CDK14: variants seen among roughly 807,000 people sequenced by gnomAD.
CDK14 encodes the protein cyclin dependent kinase 14.
A neutral mutation model predicts 60.7 loss-of-function variants in CDK14; 34 were observed. That is an observed-to-expected ratio of 0.56 (90% CI 0.43 to 0.75). CDK14 has a LOEUF of 0.75. Ranked by LOEUF, CDK14 falls within the 30% of genes least tolerant of loss-of-function variation. The pLI is 0.00. For missense variants in CDK14, 482 were observed against 564.1 expected (o/e 0.85, Z 1.47); for synonymous variants, 197 against 203.7 (o/e 0.97, Z 0.28).
chr7:90,717,432 A>AGTCACTGAAGCAGCGTAAAG (rs1054906878), intron 2 of CDK14, among the ~76,000 whole-genome samples: 5 of 152,260 alleles, frequency 3.3e-5, no homozygotes, highest in Admixed American at 1.3e-4. Flanking sequence ...ACAAAACTAC[A>AGTCACTGAAGCAGCGTAAAG]GTCACTGAAG....
chr7:90,859,282 A>G (rs1790927742), intron 5 of CDK14, among the ~76,000 whole-genome samples: 1 of 152,232 alleles, frequency 6.6e-6, no homozygotes, highest in South Asian at 2.1e-4. Flanking sequence ...AGGATTTAAT[A>G]TATTGTTATG....
At chr7:90,643,840 A>T (rs1478070742) in intron 2 of CDK14, among the ~76,000 whole-genome samples, 2 of 152,140 alleles carry the variant, frequency 1.3e-5, no homozygotes, top group African/African-American at 4.8e-5. Context: ...CAACAGCCTC[A>T]AATTTTTATT....
At chr7:90,702,336 G>T (rs2116617927) in intron 2 of CDK14, among the ~76,000 whole-genome samples, 1 of 152,258 alleles carries the variant, frequency 6.6e-6, no homozygotes, top group African/African-American at 2.4e-5. Context: ...AAGCATTTCA[G>T]AGTTGTTAAT....
intron 5 of CDK14, among the ~76,000 whole-genome samples, chr7:90,803,744 C>A (rs1394447937): frequency 6.6e-6 from 1 of 152,086 alleles, no homozygotes; most frequent in East Asian, 1.9e-4. Flanking sequence ...AGTATATGAT[C>A]TAGTTTAATT....
chr7:90,907,186 A>G (rs999057631), intron 7 of CDK14, among the ~76,000 whole-genome samples: 1 of 152,040 alleles, frequency 6.6e-6, no homozygotes, highest in African/African-American at 2.4e-5. Context: ...GGTATGTGGG[A>G]AACTGGTTAG....
intron 2 of CDK14, among the ~76,000 whole-genome samples, chr7:90,715,461 A>G (rs902695940): frequency 2.6e-5 from 4 of 151,996 alleles, no homozygotes; most frequent in African/African-American, 9.7e-5. Flanking sequence ...TTTAGTTTTT[A>G]AATCAGAGTA....
At chr7:91,173,863 G>A (rs994730791) in intron 14 of CDK14, among the ~76,000 whole-genome samples, 9 of 152,202 alleles carry the variant, frequency 5.9e-5, no homozygotes, top group South Asian at 2.1e-4. Context: ...ACTGCAAGGC[G>A]GCAGCGAGGC....
chr7:90,780,811 A>G (rs1358251881), intron 4 of CDK14, among the ~76,000 whole-genome samples: 1 of 151,898 alleles, frequency 6.6e-6, no homozygotes, highest in Non-Finnish European at 1.5e-5. Flanking sequence ...ATTGTTGGAC[A>G]TTTGGGTTGG....
chr7:91,008,933 A>G (rs779923795), intron 10 of CDK14, among the ~76,000 whole-genome samples: 3 of 152,158 alleles, frequency 2.0e-5, no homozygotes, highest in Non-Finnish European at 4.4e-5. Context: ...ATCCCATGAA[A>G]TCATCACCAC....
In CDK14 at chr7:90,814,734, C is replaced by G. The variant is rs370669517; in HGVS notation, c.544+24082C>G. Among the ~76,000 whole-genome samples the G allele has an allele frequency of 5.3e-5, 8 of 152,272 alleles. No homozygotes were observed. The East Asian group carries it at 1.4e-3, about 26-fold the overall frequency. ...GAGGTTGCAGTGAGCCGAGATTGTGCCACTGCACTCCAGCCTGGGCGACAG... is the reference window on the plus strand; with the variant it reads ...GAGGTTGCAGTGAGCCGAGATTGTGGCACTGCACTCCAGCCTGGGCGACAG... On this transcript the variant is annotated intron_variant, in intron 5 of 14. Transcript: ENST00000380050.
chr7:90,844,948 G>A (rs1189319479), intron 5 of CDK14, among the ~76,000 whole-genome samples: 2 of 152,100 alleles, frequency 1.3e-5, no homozygotes, highest in East Asian at 3.8e-4. Context: ...GTGACCCTTA[G>A]GTTAGTCACA....
chr7:90,934,991 TA>T (rs1231476757), intron 8 of CDK14, among the ~76,000 whole-genome samples: 1 of 152,210 alleles, frequency 6.6e-6, no homozygotes, highest in Non-Finnish European at 1.5e-5. Flanking sequence ...AGGTAATTTA[TA>T]AGGAATAGAA....
At chr7:90,712,333 T>C (rs537418555) in intron 2 of CDK14, among the ~76,000 whole-genome samples, 1 of 152,082 alleles carries the variant, frequency 6.6e-6, no homozygotes, top group South Asian at 2.1e-4. Flanking sequence ...GGTAATCTTA[T>C]TCTACTTTCT....
intron 3 of CDK14, among the ~76,000 whole-genome samples, chr7:90,736,113 G>C (rs1803091232): frequency 6.6e-6 from 1 of 152,068 alleles, no homozygotes; most frequent in East Asian, 1.9e-4. Context: ...CCTGGGCAAG[G>C]CGATGCCCTA....
intron 3 of CDK14, among the ~76,000 whole-genome samples, chr7:90,744,416 A>G (rs911764261): frequency 3.9e-5 from 6 of 152,198 alleles, no homozygotes; most frequent in African/African-American, 1.2e-4. Context: ...ACTTCTCTCT[A>G]TACAGACACG....
intron 11 of CDK14, among the ~76,000 whole-genome samples, chr7:91,065,842 A>C (rs926871273): frequency 6.6e-6 from 1 of 152,244 alleles, no homozygotes; most frequent in African/African-American, 2.4e-5. Context: ...TGTGCCTTCT[A>C]GCCAAAAGGA....
chr7:91,034,177 A>G (rs1163592629), intron 10 of CDK14, among the ~76,000 whole-genome samples: 2 of 152,038 alleles, frequency 1.3e-5, no homozygotes, highest in African/African-American at 4.8e-5. Flanking sequence ...AAAATCTCTG[A>G]ACTGTATAAC....
chr7:90,986,427 A>G (rs1271840952), intron 10 of CDK14, among the ~76,000 whole-genome samples: 2 of 152,042 alleles, frequency 1.3e-5, no homozygotes, highest in Non-Finnish European at 2.9e-5. Flanking sequence ...ACTCCCAAGA[A>G]AATCTCTTAT....
At chr7:90,798,880 A>G (rs1188283623) in intron 5 of CDK14, among the ~76,000 whole-genome samples, 2 of 152,220 alleles carry the variant, frequency 1.3e-5, no homozygotes, top group African/African-American at 4.8e-5. Flanking sequence ...TTCTATTTTA[A>G]TTTAGAATCA....
Sources: gnomAD v4.1 joint callset for allele counts (sites outside exome capture counted in the v4.1 genomes callset) on GRCh38, gnomAD v4.1.1 for gene constraint, MANE v1.5 for transcripts, NCBI Gene and HGNC (gene_info 2026-07-23, HGNC 2026-07-21) for gene names.